Variants in VWF observed in about 807,000 individuals in gnomAD.
VWF encodes the protein von Willebrand factor, also known as Factor VIII related antigen.
VWF carries 176 observed loss-of-function variants against 308.6 expected under a neutral mutation model. The observed-to-expected ratio is 0.57, with a 90% CI of 0.50 to 0.65. VWF has a LOEUF of 0.65. VWF is among the 30% of genes least tolerant of loss of function. The probability of loss-of-function intolerance (pLI) is 0.00; values close to 1 mark genes in which losing one functional copy is unlikely to be tolerated. For synonymous variants in VWF, 1,385 were observed against 1,443.4 expected, an observed-to-expected ratio of 0.96 and a Z score of 0.92; for missense variants, 3,146 against 3,648.2, an observed-to-expected ratio of 0.86 and a Z score of 3.55.
intron 5 of VWF, among the ~76,000 whole-genome samples, chr12:6,096,721 T>C (rs1036331836): frequency 6.6e-6 from 1 of 152,204 alleles, no homozygotes; most frequent in South Asian, 2.1e-4. Flanking sequence ...CTACTCACAA[T>C]AGACTGTGAG....
intron 30 of VWF, 52 bp from the exon 31 acceptor site, chr12:6,016,284 C>A: frequency 1.2e-6 from 2 of 1,613,652 alleles, no homozygotes. Context: ...CGGCTCGACA[C>A]CCTGTCTTAA....
At chr12:6,114,147 G>A (rs891464250) in intron 3 of VWF, among the ~76,000 whole-genome samples, 7 of 152,150 alleles carry the variant, frequency 4.6e-5, no homozygotes, top group African/African-American at 1.4e-4. Context: ...AGGAACCCCC[G>A]TGAGCCCCTC....
rs1182004588 is a variant in VWF, at chr12:6,063,465, G to A, written c.1433-411C>T. Reference sequence around the variant, plus strand: ...CTCATGTCTGAGCGATGCTGTGTACGACACTGAATACAGCAATTGTTGCTT... The same window carrying A: ...CTCATGTCTGAGCGATGCTGTGTACAACACTGAATACAGCAATTGTTGCTT... On this transcript the variant is annotated intron_variant, in intron 12 of 51. Coordinates refer to ENST00000261405, the MANE Select transcript of VWF (RefSeq NM_000552.5). This position sits in a 1 kb window ranked among gnomAD's most constrained non-coding sequence, Gnocchi z 4.9. Among the ~76,000 whole-genome samples, 6 of 152,286 alleles carry A rather than the reference G, an allele frequency of 3.9e-5. No individual in the cohort carries two copies. Among genetic ancestry groups the A allele is most frequent in the South Asian group, 4.1e-4 (2 of 4,822 alleles).
At chr12:5,981,702 G>C (rs1391780288) in intron 42 of VWF, 84 bp downstream of exon 42, 1 of 1,441,106 alleles carries the variant, frequency 6.9e-7, no homozygotes, top group Non-Finnish European at 9.7e-7. Context: ...TGGATGAATG[G>C]ATGGGTGGAT....
At chr12:5,950,054 C>T (rs1232448157) in intron 50 of VWF, among the ~76,000 whole-genome samples, 171 bp from the exon 51 acceptor site, 2 of 152,172 alleles carry the variant, frequency 1.3e-5, no homozygotes. Context: ...TGTTCCTGGC[C>T]CGAAATATGC....
rs139196998 is a variant in VWF, at chr12:6,057,965, G to C, written c.1613C>G (p.Pro538Arg). 72 of 1,613,770 alleles carry C rather than the reference G, an allele frequency of 4.5e-5. 1 individual carries two copies. The Admixed American group carries it at 6.7e-4, about 15-fold the overall frequency. The change falls in exon 14 of 52, where the codon CCC (proline) becomes CGC (arginine). Residue 538 changes from proline (P) to arginine (R), a missense_variant. By Grantham distance (103) the Pro-to-Arg change is moderately radical (BLOSUM62 -2). Transcript: ENST00000261405. The part of the protein sequence containing the change: ...NGNQGDDFLT[P>R]SGLAEPRVED... Reference sequence around the variant, plus strand: ...CACCCGGGGCTCCGCCAGCCCAGAGGGGGTAAGGAAGTCGTCGCCCTGGTT... The same window carrying C: ...CACCCGGGGCTCCGCCAGCCCAGAGCGGGTAAGGAAGTCGTCGCCCTGGTT...
chr12:6,110,653 C>G (rs1945298495), intron 4 of VWF, 71 bp from the exon 5 acceptor site: 11 of 1,522,826 alleles, frequency 7.2e-6, no homozygotes, highest in Non-Finnish European at 1.0e-5. Flanking sequence ...CACCTTCTAA[C>G]CCCAACCCCA....
At position 6,075,988 on chromosome 12, in the gene VWF, T is replaced by G. The variant is rs1944839098; in HGVS notation, c.658-437A>C. Among the ~76,000 whole-genome samples, 1 of 152,130 alleles carries G rather than the reference T, an allele frequency of 6.6e-6. No individual in the cohort carries two copies. The highest frequency in any genetic ancestry group is 1.5e-5 in the Non-Finnish European group (1 of 68,028). On this transcript the variant is annotated intron_variant, in intron 6 of 51. Coordinates refer to ENST00000261405, the MANE Select transcript of VWF (RefSeq NM_000552.5). This position sits in a 1 kb window ranked among gnomAD's most constrained non-coding sequence, Gnocchi z 4.7. ...TCTTCTTCACTATGAATGAGGGGGA[T>G]GGGACAAGGGGCTTTATAGAGATTT...
chr12:6,076,839 T>G (rs949731444), intron 6 of VWF, among the ~76,000 whole-genome samples: 8 of 152,094 alleles, frequency 5.3e-5, no homozygotes, highest in African/African-American at 1.9e-4. Context: ...GGGCCTCCTG[T>G]TTTGCGGCGC....
intron 47 of VWF, among the ~76,000 whole-genome samples, chr12:5,964,469 A>G (rs2136351169): frequency 6.6e-6 from 1 of 152,328 alleles, no homozygotes; most frequent in Non-Finnish European, 1.5e-5. Context: ...GAATCAATTT[A>G]GCTTTGTGAG....
At chr12:6,089,979 A>T (rs959103600) in intron 6 of VWF, among the ~76,000 whole-genome samples, 2 of 151,670 alleles carry the variant, frequency 1.3e-5, no homozygotes, top group Non-Finnish European at 2.9e-5. Context: ...TTTGTTTGAG[A>T]TGGAGTCTCG....
At chr12:6,000,314 T>C (rs1048078032) in intron 34 of VWF, among the ~76,000 whole-genome samples, 1 of 152,200 alleles carries the variant, frequency 6.6e-6, no homozygotes, top group African/African-American at 2.4e-5. Context: ...AAAAGAATTA[T>C]ATTGGTATCA....
At chr12:6,069,431 G>A (rs1944756989) in intron 10 of VWF, among the ~76,000 whole-genome samples, 1 of 152,078 alleles carries the variant, frequency 6.6e-6, no homozygotes, top group Non-Finnish European at 1.5e-5. Context: ...AGGGGCTGCA[G>A]AGAAGCTCCG....
chr12:6,117,096 G>A (rs1420984100), intron 3 of VWF, among the ~76,000 whole-genome samples: 1 of 152,102 alleles, frequency 6.6e-6, no homozygotes, highest in East Asian at 1.9e-4. Flanking sequence ...CATTCTCTAT[G>A]ATGTTAGCAG....
intron 20 of VWF, among the ~76,000 whole-genome samples, chr12:6,032,505 G>A (rs769420978): frequency 6.6e-6 from 1 of 151,464 alleles, no homozygotes; most frequent in African/African-American, 2.4e-5. Flanking sequence ...GGGCGTGGTG[G>A]CGGGCGCCTG....
In VWF at chr12:6,063,417, G is replaced by A. The variant is rs1176757232; in HGVS notation, c.1433-363C>T. 6.6e-6 allele frequency among the ~76,000 whole-genome samples: 1 copy of A among 152,170 alleles called. No homozygotes were observed. The highest frequency in any genetic ancestry group is 1.5e-5 in the Non-Finnish European group (1 of 68,032). Reference sequence around the variant, plus strand: ...CACCACGACATCTGAATGTGCCTGGGACACTCTGCCACTGCACACCACCTC... The same window carrying A: ...CACCACGACATCTGAATGTGCCTGGAACACTCTGCCACTGCACACCACCTC... On this transcript the variant is annotated intron_variant, in intron 12 of 51. Transcript: ENST00000261405. The surrounding 1 kb of genome is among the most constrained non-coding windows in gnomAD (Gnocchi z 4.9).
chr12:5,995,698 G>A (rs955968139), intron 35 of VWF, among the ~76,000 whole-genome samples: 1 of 152,126 alleles, frequency 6.6e-6, no homozygotes, highest in South Asian at 2.1e-4. Flanking sequence ...AATACCTTCC[G>A]AGTGAACAAT....
intron 3 of VWF, among the ~76,000 whole-genome samples, chr12:6,111,998 G>C (rs1401952402): frequency 6.6e-6 from 1 of 152,028 alleles, no homozygotes; most frequent in African/African-American, 2.4e-5. Flanking sequence ...AAATAAAATG[G>C]TATCTTAGGA....
chr12:6,112,422 TAG>T (rs1356181514), intron 3 of VWF, among the ~76,000 whole-genome samples: 1 of 151,896 alleles, frequency 6.6e-6, no homozygotes, highest in Non-Finnish European at 1.5e-5. Context: ...GAAGGGAAAA[TAG>T]AGAGTCTGGT....
Sources: allele counts gnomAD v4.1 joint callset (sites outside exome capture counted in the v4.1 genomes callset), GRCh38; gene constraint gnomAD v4.1.1; non-coding constraint Gnocchi (gnomAD v3.1); transcripts MANE v1.5; gene names NCBI Gene and HGNC (gene_info 2026-07-23, HGNC 2026-07-21).